COL2A1: variants seen among roughly 807,000 people sequenced by gnomAD.
COL2A1 encodes the protein collagen type II alpha 1 chain, also known as collagen alpha-1(II) chain.
COL2A1 carries 28 observed loss-of-function variants against 204.5 expected under a neutral mutation model. That is an observed-to-expected ratio of 0.14 (90% CI 0.10 to 0.19). The LOEUF (loss-of-function observed/expected upper bound fraction) is 0.19, where lower values mean the gene tolerates loss of function less well. COL2A1 is among the 10% of genes least tolerant of loss of function. The probability of loss-of-function intolerance (pLI) is 1.00; values close to 1 mark genes in which losing one functional copy is unlikely to be tolerated. For synonymous variants in COL2A1, 708 were observed against 718.7 expected, an observed-to-expected ratio of 0.99 and a Z score of 0.24; for missense variants, 1,388 against 2,027.5, an observed-to-expected ratio of 0.68 and a Z score of 6.06.
chr12:47,995,715 C>A lies in COL2A1; in HGVS notation c.703G>T (p.Val235Phe), dbSNP rs767618731. Residue 235 changes from valine (V) to phenylalanine (F), a missense_variant, in exon 10 of 54, where the codon GTC (valine) becomes TTC (phenylalanine). Val to Phe is a conservative substitution (Grantham distance 50). This residue lies in a region of COL2A1 where 884 missense variants were observed against 1,415.8 expected (regional missense o/e 0.62). Coordinates refer to ENST00000380518, the MANE Select transcript of COL2A1 (RefSeq NM_001844.5). ...AGGGCCGTGCTGGTACTCACAGAGACACCAGGTTCACCAGGTTCACCAGGA... is the reference window on the plus strand; with the variant it reads ...AGGGCCGTGCTGGTACTCACAGAGAAACCAGGTTCACCAGGTTCACCAGGA... ...GNPGEPGEPG[V>F]SGPMGPRGPP... is the part of the protein sequence containing the mutation. The A allele has an allele frequency of 1.9e-6, 3 of 1,613,752 alleles. No individual in the cohort carries two copies. The highest frequency in any genetic ancestry group is 1.7e-6 in the Non-Finnish European group (2 of 1,179,830).
chr12:47,989,624 TCTCTTTCCTCC>T (rs1263614679), intron 17 of COL2A1, 126 bp downstream of exon 17: 10 of 814,724 alleles, frequency 1.2e-5, no homozygotes, highest in Non-Finnish European at 2.2e-5. Context: ...ACAAACTTCT[TCTCTTTCCTCC>T]CCCTTTCCAG....
chr12:47,994,281 T>G, intron 12 of COL2A1, 143 bp downstream of exon 12: 1 of 1,030,324 alleles, frequency 9.7e-7, no homozygotes, highest in South Asian at 1.3e-5. Flanking sequence ...TGAGTGGAAA[T>G]TACAAACATG....
chr12:47,998,566 C>T, intron 2 of COL2A1, 135 bp from the exon 3 acceptor site: 1 of 890,054 alleles, frequency 1.1e-6, no homozygotes, highest in South Asian at 1.6e-5. Flanking sequence ...CTTCCTGTGA[C>T]TCCACTGAAC....
chr12:47,984,466 C>T (rs1939272351), intron 28 of COL2A1, 80 bp downstream of exon 28: 19 of 1,448,170 alleles, frequency 1.3e-5, no homozygotes, highest in Non-Finnish European at 1.8e-5. Flanking sequence ...CGGGACCATG[C>T]CATGGGGAGG....
At chr12:47,982,351 A>G (rs1592210704) in intron 34 of COL2A1, 151 bp downstream of exon 34, 1 of 794,352 alleles carries the variant, frequency 1.3e-6, no homozygotes, top group African/African-American at 1.7e-5. Context: ...ACTAAAAGGC[A>G]GGGAGCTTTG....
intron 5 of COL2A1, 44 bp from the exon 6 acceptor site, chr12:47,997,968 C>T (rs1940041273): frequency 1.2e-6 from 2 of 1,614,178 alleles, no homozygotes; most frequent in Non-Finnish European, 1.7e-6. Context: ...GGCCAGGAGC[C>T]TGCAGATCAG....
Position 47,987,841 on chromosome 12 carries a change from A to G in COL2A1, c.1123-132T>C. ...CACATGCACCCAACCCTGCACATGAACATGTGCGTTCACACACAGTTCACG... is the reference window on the plus strand; with the variant it reads ...CACATGCACCCAACCCTGCACATGAGCATGTGCGTTCACACACAGTTCACG... On this transcript the variant is annotated intron_variant, in intron 18 of 53. Transcript: ENST00000380518. This position sits in a 1 kb window ranked among gnomAD's most constrained non-coding sequence, Gnocchi z 4.1. 1.4e-6 allele frequency: 1 copy of G among 719,282 alleles called. No homozygotes were observed. Among genetic ancestry groups the G allele is most frequent in the Non-Finnish European group, 2.5e-6 (1 of 405,372 alleles). The allele number at this position is 719,282 out of a possible 1,614,324, so 44.6% of individuals were successfully genotyped here.
At position 47,976,631 on chromosome 12, in the gene COL2A1, G is replaced by T; in HGVS notation, c.3436-64C>A. The T allele has an allele frequency of 6.4e-7, 1 of 1,556,610 alleles. No homozygotes were observed. Among genetic ancestry groups the T allele is most frequent in the Non-Finnish European group, 8.9e-7 (1 of 1,128,820 alleles). On this transcript the variant is annotated intron_variant, in intron 48 of 53. Transcript: ENST00000380518. This position sits in a 1 kb window ranked among gnomAD's most constrained non-coding sequence, Gnocchi z 4.3. ...AGACATATCTATCTATATTCTGGGA[G>T]CTGGGGGAACAGCTTTATGTCCCAG... is the stretch of plus-strand genomic sequence containing the variant.
At chr12:48,002,414 C>T (rs1940275873) in intron 1 of COL2A1, among the ~76,000 whole-genome samples, 1 of 152,124 alleles carries the variant, frequency 6.6e-6, no homozygotes, top group South Asian at 2.1e-4. Context: ...CCTTTGGGTC[C>T]GCTGACCCCA....
At chr12:47,985,280 C>T (rs571247718) in intron 26 of COL2A1, among the ~76,000 whole-genome samples, 187 bp from the exon 27 acceptor site, 71 of 152,292 alleles carry the variant, frequency 4.7e-4, no homozygotes, top group Admixed American at 3.0e-3. Flanking sequence ...TAGAAAGCTG[C>T]CCCAGAAAGT....
chr12:47,989,328 C>G, intron 17 of COL2A1, 47 bp from the exon 18 acceptor site: 1 of 1,547,274 alleles, frequency 6.5e-7, no homozygotes, highest in East Asian at 2.3e-5. Flanking sequence ...CCAGTTCTGG[C>G]CTCCAAAGCG....
Position 47,982,180 on chromosome 12 carries a change from G to C in COL2A1, c.2302-20C>G, listed in dbSNP as rs746747042. ...GTCACCCTGAGGGAAGAGAAAACCA[G>C]CCGCCTCAGCCAGGCACCCCAGGAC... On this transcript the variant is annotated intron_variant, in intron 34 of 53. Coordinates refer to ENST00000380518, the MANE Select transcript of COL2A1 (RefSeq NM_001844.5). 18 of 1,610,552 alleles carry C rather than the reference G, an allele frequency of 1.1e-5. No homozygotes were observed. The highest frequency in any genetic ancestry group is 1.5e-5 in the Non-Finnish European group (18 of 1,177,032).
At chr12:48,002,200 G>A (rs996482419) in intron 1 of COL2A1, among the ~76,000 whole-genome samples, 2 of 152,222 alleles carry the variant, frequency 1.3e-5, no homozygotes, top group Non-Finnish European at 1.5e-5. Context: ...ATGCAAACAA[G>A]CCTCACAAAG....
chr12:48,001,377 A>T (rs575971557), intron 1 of COL2A1, among the ~76,000 whole-genome samples: 32 of 152,326 alleles, frequency 2.1e-4, no homozygotes, highest in Middle Eastern at 3.4e-3. Flanking sequence ...AGATAATCAC[A>T]GGAGGGTGAG....
intron 36 of COL2A1, 112 bp from the exon 37 acceptor site, chr12:47,981,508 C>T (rs575873209): frequency 1.2e-4 from 123 of 993,862 alleles, no homozygotes; most frequent in Non-Finnish European, 1.7e-4. Flanking sequence ...TCCAGGTCCC[C>T]CTGGCACAGC....
Position 48,004,107 on chromosome 12 carries a change from C to A in COL2A1, c.85+130G>T, listed in dbSNP as rs1025443767. ...ACTTCTGCGTGTCCTGTGCCTAAGT[C>A]GGCGCGCTACGACCCCGGGAGCCGT... On this transcript the variant is annotated intron_variant, in intron 1 of 53. Transcript: ENST00000380518. 15 of 710,530 alleles carry A rather than the reference C, an allele frequency of 2.1e-5. No homozygotes were observed. In the East Asian group the frequency reaches 3.6e-4, roughly 17 times the overall value. 44.0% of individuals were successfully genotyped at this position (710,530 alleles called of 1,614,324 possible).
rs926752344 is a variant in COL2A1, at chr12:47,996,004, C to T, written c.610-85G>A. 2.2e-5 allele frequency: 25 copies of T among 1,118,316 alleles called. No homozygotes were observed. The highest frequency in any genetic ancestry group is 2.4e-4 in the Middle Eastern group (1 of 4,176). The allele number at this position is 1,118,316 out of a possible 1,614,324, so 69.3% of individuals were successfully genotyped here. A position where few individuals can be genotyped will look rare whatever the true frequency, so the allele number is the denominator to read the frequency against. On this transcript the variant is annotated intron_variant, in intron 8 of 53. Transcript: ENST00000380518. ...TGCCATCTTCTCCCAGCCAACAGCCCGGGCAAAGGACAAGAAGTTACTCTG... is the reference window on the plus strand; with the variant it reads ...TGCCATCTTCTCCCAGCCAACAGCCTGGGCAAAGGACAAGAAGTTACTCTG...
At chr12:47,999,634 A>AGTTTTTT in intron 2 of COL2A1, 1 of 152,618 alleles carries the variant, frequency 6.6e-6, no homozygotes, top group Non-Finnish European at 1.2e-5. Flanking sequence ...TTCAGAGAGG[A>AGTTTTTT]TTTTTTTTTT....
intron 28 of COL2A1, 151 bp downstream of exon 28, chr12:47,984,395 C>A (rs1939268259): frequency 2.3e-6 from 2 of 879,460 alleles, no homozygotes; most frequent in African/African-American, 1.7e-5. Context: ...TGTAGACACC[C>A]AAAGGGCCCA....
Sources: gnomAD v4.1 joint callset for allele counts (sites outside exome capture counted in the v4.1 genomes callset) on GRCh38, gnomAD v4.1.1 for gene constraint, gnomAD v4.1.1 regional missense constraint, Gnocchi (gnomAD v3.1) non-coding constraint, MANE v1.5 for transcripts, NCBI Gene and HGNC (gene_info 2026-07-23, HGNC 2026-07-21) for gene names.